The following IQCJ variants were observed in gnomAD, a reference collection of about 807,000 sequenced individuals.
IQCJ encodes the protein IQ domain-containing protein J.
In IQCJ, 9 loss-of-function variants were observed where a neutral mutation model predicts 11.0. The observed-to-expected ratio is 0.82, with a 90% confidence interval of 0.49 to 1.43. The LOEUF (loss-of-function observed/expected upper bound fraction) is 1.43. Among genes scored for constraint, IQCJ ranks in the 40% most tolerant of loss-of-function variants. The pLI is 0.00. For missense variants in IQCJ, 146 were observed against 133.2 expected (o/e 1.10, Z -0.47); for synonymous variants, 55 against 51.3 (o/e 1.07, Z -0.31).
At chr3:159,156,206 A>G (rs1721512351) in intron 1 of IQCJ, among the ~76,000 whole-genome samples, 1 of 152,214 alleles carries the variant, frequency 6.6e-6, no homozygotes, top group African/African-American at 2.4e-5. Flanking sequence ...GACAAGAGAA[A>G]TCTAAGACAA....
chr3:159,213,591 A>G (rs1308472487), intron 1 of IQCJ, among the ~76,000 whole-genome samples: 5 of 152,140 alleles, frequency 3.3e-5, no homozygotes, highest in Non-Finnish European at 7.3e-5. Context: ...TGGTATGAGA[A>G]ATTTTTATTT....
intron 1 of IQCJ, among the ~76,000 whole-genome samples, chr3:159,172,477 T>C (rs1267384626): frequency 6.6e-6 from 1 of 152,148 alleles, no homozygotes; most frequent in Non-Finnish European, 1.5e-5. Context: ...ATAACTATAA[T>C]TGCAACTGTA....
intron 1 of IQCJ, among the ~76,000 whole-genome samples, chr3:159,218,363 G>A (rs1725350057): frequency 6.6e-6 from 1 of 151,598 alleles, no homozygotes; most frequent in South Asian, 2.1e-4. Flanking sequence ...GTGTGTGTGT[G>A]TGTGTGTATA....
intron 1 of IQCJ, among the ~76,000 whole-genome samples, chr3:159,243,895 G>A (rs1479922129): frequency 1.3e-5 from 2 of 152,200 alleles, no homozygotes; most frequent in Non-Finnish European, 2.9e-5. Context: ...AGACTGAGAG[G>A]TGGCCAAGTT....
At chr3:159,086,864 C>G (rs935163319) in intron 1 of IQCJ, among the ~76,000 whole-genome samples, 6 of 152,106 alleles carry the variant, frequency 3.9e-5, no homozygotes, top group African/African-American at 7.2e-5. Flanking sequence ...CATCTGCAAA[C>G]AGGGACAATT....
At chr3:159,106,652 G>A (rs1000283371) in intron 1 of IQCJ, among the ~76,000 whole-genome samples, 2 of 152,068 alleles carry the variant, frequency 1.3e-5, no homozygotes, top group South Asian at 4.2e-4. Flanking sequence ...CTAACTAGGT[G>A]TCCTACAATT....
chr3:159,107,883 A>G (rs565566485), intron 1 of IQCJ, among the ~76,000 whole-genome samples: 1 of 152,106 alleles, frequency 6.6e-6, no homozygotes, highest in East Asian at 1.9e-4. Flanking sequence ...AGCATTGGGG[A>G]CAGACAGGCA....
chr3:159,145,163 C>T (rs1720851582), intron 1 of IQCJ, among the ~76,000 whole-genome samples: 1 of 152,078 alleles, frequency 6.6e-6, no homozygotes, highest in African/African-American at 2.4e-5. Context: ...GCTGTAACAT[C>T]CAGAAAATAG....
intron 1 of IQCJ, among the ~76,000 whole-genome samples, chr3:159,167,605 T>C (rs114874823): frequency 0.039 from 5,935 of 152,272 alleles, 378 homozygotes; most frequent in African/African-American, 0.14. Flanking sequence ...GCGTCATGAA[T>C]TGTTTTGAAG....
intron 1 of IQCJ, among the ~76,000 whole-genome samples, chr3:159,082,392 G>T (rs1392950): frequency 6.6e-6 from 1 of 151,098 alleles, no homozygotes; most frequent in Non-Finnish European, 1.5e-5. Flanking sequence ...AAAAAACAGA[G>T]GCAGTAAAGA....
intron 1 of IQCJ, among the ~76,000 whole-genome samples, chr3:159,092,182 A>G (rs1717360941): frequency 6.6e-6 from 1 of 151,884 alleles, no homozygotes; most frequent in Non-Finnish European, 1.5e-5. Context: ...GATGAATACA[A>G]TATCACCTAC....
chr3:159,205,726 A>G (rs1449017), intron 1 of IQCJ, among the ~76,000 whole-genome samples: 47,475 of 152,086 alleles, frequency 0.31, 7,739 homozygotes, highest in Middle Eastern at 0.39. Flanking sequence ...GCAGCAAGCT[A>G]TGTGGAGGGG....
At chr3:159,101,164 G>A (rs542445893) in intron 1 of IQCJ, among the ~76,000 whole-genome samples, 66 of 146,918 alleles carry the variant, frequency 4.5e-4, no homozygotes, top group African/African-American at 1.6e-3. Flanking sequence ...TCTTTGACTC[G>A]GAAAGGGAAT....
chr3:159,132,072 C>T (rs1382120060), intron 1 of IQCJ, among the ~76,000 whole-genome samples: 1 of 152,144 alleles, frequency 6.6e-6, no homozygotes, highest in Non-Finnish European at 1.5e-5. Context: ...TGTTTGGAAA[C>T]TATCTGTATT....
At chr3:159,143,117 T>G (rs1328977943) in intron 1 of IQCJ, among the ~76,000 whole-genome samples, 5 of 152,156 alleles carry the variant, frequency 3.3e-5, no homozygotes, top group Admixed American at 6.5e-5. Flanking sequence ...GAAAGAAAAT[T>G]CATGTTTTTG....
At chr3:159,172,226 A>T (rs1337203014) in intron 1 of IQCJ, among the ~76,000 whole-genome samples, 1 of 152,210 alleles carries the variant, frequency 6.6e-6, no homozygotes, top group Non-Finnish European at 1.5e-5. Context: ...TTAATAAATC[A>T]TGGGATATCC....
intron 1 of IQCJ, among the ~76,000 whole-genome samples, chr3:159,105,640 G>A (rs1302047028): frequency 2.6e-5 from 4 of 152,124 alleles, no homozygotes; most frequent in African/African-American, 7.2e-5. Flanking sequence ...TGAATGAGGA[G>A]GAGCCAGCCA....
At chr3:159,215,531 C>T (rs903393505) in intron 1 of IQCJ, among the ~76,000 whole-genome samples, 2 of 152,092 alleles carry the variant, frequency 1.3e-5, no homozygotes, top group Admixed American at 6.5e-5. Flanking sequence ...AGAAAACCAG[C>T]AAAGGCGTTA....
chr3:159,151,602 A>G (rs943421086), intron 1 of IQCJ, among the ~76,000 whole-genome samples: 1 of 152,198 alleles, frequency 6.6e-6, no homozygotes, highest in Admixed American at 6.5e-5. Context: ...CCCAAAAAAC[A>G]AAACAAAAAC....
Sources: allele counts gnomAD v4.1 joint callset (sites outside exome capture counted in the v4.1 genomes callset), GRCh38; gene constraint gnomAD v4.1.1; transcripts MANE v1.5; gene names NCBI Gene and HGNC (gene_info 2026-07-23, HGNC 2026-07-21).